ARHGAP24: variants seen among roughly 807,000 people sequenced by gnomAD.
ARHGAP24 encodes Rho GTPase activating protein 24.
In ARHGAP24, 50 loss-of-function variants were observed where a neutral mutation model predicts 76.4. The observed-to-expected ratio is 0.65, with a 90% CI of 0.52 to 0.83. The LOEUF (loss-of-function observed/expected upper bound fraction) is 0.83. Ranked by LOEUF, ARHGAP24 falls within the 40% of genes least tolerant of loss-of-function variation. ARHGAP24 has a pLI of 0.00. For missense variants in ARHGAP24, 930 were observed against 914.2 expected (o/e 1.02, Z -0.22); for synonymous variants, 345 against 323.3 (o/e 1.07, Z -0.72).
chr4:85,653,079 G>A (rs955291750), intron 2 of ARHGAP24, among the ~76,000 whole-genome samples: 13 of 152,108 alleles, frequency 8.5e-5, no homozygotes, highest in Non-Finnish European at 1.8e-4. Flanking sequence ...TCATATTGAT[G>A]AACCTAGACT....
intron 8 of ARHGAP24, chr4:85,992,034 G>T: frequency 2.5e-6 from 1 of 395,726 alleles, no homozygotes; most frequent in South Asian, 1.3e-4. Context: ...AAAATTATAT[G>T]GTTCAGGGAA....
intron 2 of ARHGAP24, among the ~76,000 whole-genome samples, chr4:85,654,875 A>G (rs1205368350): frequency 6.6e-6 from 1 of 152,228 alleles, no homozygotes; most frequent in Admixed American, 6.5e-5. Flanking sequence ...TCTTAGAAAT[A>G]GTACTGGCAG....
intron 5 of ARHGAP24, among the ~76,000 whole-genome samples, chr4:85,962,022 G>A (rs1738290626): frequency 6.6e-6 from 1 of 152,064 alleles, no homozygotes; most frequent in African/African-American, 2.4e-5. Flanking sequence ...AAGTAACTAA[G>A]TACAGCCAAA....
intron 2 of ARHGAP24, among the ~76,000 whole-genome samples, chr4:85,618,789 G>A (rs986277100): frequency 6.6e-6 from 1 of 152,062 alleles, no homozygotes; most frequent in Non-Finnish European, 1.5e-5. Flanking sequence ...TATGTGAAAT[G>A]TCTATTCAAG....
At chr4:85,752,991 C>A (rs1726320415) in intron 3 of ARHGAP24, among the ~76,000 whole-genome samples, 1 of 152,078 alleles carries the variant, frequency 6.6e-6, no homozygotes, top group Non-Finnish European at 1.5e-5. Flanking sequence ...TTAAAATATT[C>A]TTTTCAGGAG....
rs554856185 is a variant in ARHGAP24 at position 85,892,172 on chromosome 4, T to C, written c.269-31476T>C. On this transcript the variant is annotated intron_variant, in intron 3 of 9. Coordinates refer to ENST00000395184, the MANE Select transcript of ARHGAP24 (RefSeq NM_001025616.3). ...TAGAGGTGTTTGTAGTATTCTCTGA[T>C]GGTAGTTTGTATTTCTGTGGGATCT... Among the ~76,000 whole-genome samples the C allele has an allele frequency of 3.0e-3, 193 of 63,724 alleles. 75 individuals carry two copies. Among genetic ancestry groups the C allele is most frequent in the African/African-American group, 8.1e-3 (120 of 14,790 alleles). The allele number at this position is 63,724 out of a possible 152,430, so 41.8% of individuals were successfully genotyped here. A position where few individuals can be genotyped will look rare whatever the true frequency, so the allele number is the denominator to read the frequency against.
In ARHGAP24 at chr4:85,681,040, T is replaced by A. The variant is rs914094207; in HGVS notation, c.181-40845T>A. The stretch of plus-strand genomic sequence containing the variant: ...ATGTGTCTTGAGGATACACCTGAGC[T>A]TTTATACTGTAGAATGTTCTCAAAA... On this transcript the variant is annotated intron_variant, in intron 2 of 9. Transcript: ENST00000395184. 1.2e-4 allele frequency among the ~76,000 whole-genome samples: 18 copies of A among 152,214 alleles called. No homozygotes were observed. The East Asian group carries it at 3.5e-3, about 29-fold the overall frequency.
chr4:85,935,480 A>T (rs1179688240), intron 4 of ARHGAP24, among the ~76,000 whole-genome samples: 2 of 152,242 alleles, frequency 1.3e-5, no homozygotes, highest in Non-Finnish European at 2.9e-5. Flanking sequence ...AGTTACAAAA[A>T]GACATTTTCT....
intron 2 of ARHGAP24, among the ~76,000 whole-genome samples, chr4:85,591,391 T>C (rs1296949199): frequency 6.6e-6 from 1 of 152,164 alleles, no homozygotes; most frequent in East Asian, 1.9e-4. Flanking sequence ...GGGGGATTGG[T>C]AATCACATAT....
chr4:85,632,504 A>G (rs1721188593), intron 2 of ARHGAP24, among the ~76,000 whole-genome samples: 4 of 151,626 alleles, frequency 2.6e-5, no homozygotes, highest in African/African-American at 9.7e-5. Flanking sequence ...GATTTTATAT[A>G]ATAACAAGAA....
chr4:85,558,762 T>C (rs1024749458), intron 1 of ARHGAP24, among the ~76,000 whole-genome samples: 2 of 152,220 alleles, frequency 1.3e-5, no homozygotes, highest in African/African-American at 4.8e-5. Flanking sequence ...GAGTGGTCCT[T>C]ATTGGAAATC....
intron 3 of ARHGAP24, among the ~76,000 whole-genome samples, chr4:85,894,758 A>G (rs911309460): frequency 1.3e-5 from 2 of 151,950 alleles, no homozygotes; most frequent in Non-Finnish European, 2.9e-5. Flanking sequence ...CTCAGGAGTT[A>G]GAGGCCAGCC....
At chr4:85,756,437 A>G (rs372077052) in intron 3 of ARHGAP24, among the ~76,000 whole-genome samples, 2 of 152,228 alleles carry the variant, frequency 1.3e-5, no homozygotes, top group African/African-American at 2.4e-5. Context: ...ATTTTAGGGC[A>G]TTAGTAACTA....
chr4:85,690,366 A>G (rs1176217881), intron 2 of ARHGAP24, among the ~76,000 whole-genome samples: 1 of 152,150 alleles, frequency 6.6e-6, no homozygotes, highest in Admixed American at 6.5e-5. Flanking sequence ...ATATTTTTGA[A>G]TAGTTTCAGT....
chr4:85,928,493 T>C (rs1736146189), intron 4 of ARHGAP24, among the ~76,000 whole-genome samples: 1 of 152,208 alleles, frequency 6.6e-6, no homozygotes, highest in Admixed American at 6.5e-5. Context: ...AGTCTCCTTC[T>C]GTTGTCCAGG....
intron 2 of ARHGAP24, among the ~76,000 whole-genome samples, chr4:85,685,643 A>AAAAGAAAAGAAAAGAAAAGAAAAG (rs1157413373): frequency 8.6e-4 from 129 of 150,196 alleles, no homozygotes; most frequent in African/African-American, 3.2e-3. Flanking sequence ...AAAAAAAAAA[A>AAAAGAAAAGAAAAGAAAAGAAAAG]AAAAGAAAAG....
At chr4:85,624,414 C>G (rs1387240039) in intron 2 of ARHGAP24, among the ~76,000 whole-genome samples, 3 of 152,134 alleles carry the variant, frequency 2.0e-5, no homozygotes, top group African/African-American at 7.2e-5. Flanking sequence ...GTTGAACCAG[C>G]CTTGCATCCC....
At chr4:85,522,396 A>G (rs11936833) in intron 1 of ARHGAP24, among the ~76,000 whole-genome samples, 28 of 152,286 alleles carry the variant, frequency 1.8e-4, no homozygotes, top group African/African-American at 3.6e-4. Context: ...ATTGCTACAA[A>G]TAATTATTTT....
At chr4:85,873,544 G>C (rs1732659591) in intron 3 of ARHGAP24, among the ~76,000 whole-genome samples, 6 of 152,164 alleles carry the variant, frequency 3.9e-5, no homozygotes, top group African/African-American at 1.4e-4. Flanking sequence ...TACGGTAGTA[G>C]AGGCAGAACC....
Sources: allele counts gnomAD v4.1 joint callset (sites outside exome capture counted in the v4.1 genomes callset), GRCh38; gene constraint gnomAD v4.1.1; transcripts MANE v1.5; gene names NCBI Gene and HGNC (gene_info 2026-07-23, HGNC 2026-07-21).